Variants in EFCAB13 observed in about 807,000 individuals in gnomAD.
EFCAB13 encodes EF-hand calcium binding domain 13, also known as EF-hand calcium-binding domain-containing protein 13.
EFCAB13 carries 91 observed loss-of-function variants against 110.2 expected under a neutral mutation model. That is an observed-to-expected ratio of 0.83 (90% CI 0.70 to 0.98). The LOEUF (loss-of-function observed/expected upper bound fraction) is 0.98. Among genes scored for constraint, EFCAB13 ranks in the 50% least tolerant of loss-of-function variants. The pLI is 0.00. For synonymous variants in EFCAB13, 323 were observed against 369.9 expected (o/e 0.87, Z 1.45); for missense variants, 968 against 1,119.4 (o/e 0.86, Z 1.93).
chr17:47,335,370 T>C lies in EFCAB13; in HGVS notation c.191+14T>C. The C allele has an allele frequency of 6.4e-7, 1 of 1,572,470 alleles. No homozygotes were observed. Among genetic ancestry groups the C allele is most frequent in the Non-Finnish European group, 8.6e-7 (1 of 1,166,420 alleles). On this transcript the variant is annotated intron_variant, in intron 5 of 24. Transcript: ENST00000331493. ...ATATAAAAAAATGTAAGTTAAAAAC[T>C]CTGAACTTACTTTATTGAATTATAC...
At chr17:47,393,885 AC>A (rs1384898122) in intron 15 of EFCAB13, 139 bp from the exon 16 acceptor site, 2 of 401,148 alleles carry the variant, frequency 5.0e-6, no homozygotes, top group Non-Finnish European at 4.4e-6. Context: ...TCCCCTTTAT[AC>A]CCATATATTT....
intron 5 of EFCAB13, among the ~76,000 whole-genome samples, chr17:47,339,576 G>A (rs2065371741): frequency 6.6e-6 from 1 of 152,032 alleles, no homozygotes; most frequent in African/African-American, 2.4e-5. Flanking sequence ...CTACTGTGCA[G>A]ACGAGTTTTG....
intron 14 of EFCAB13, among the ~76,000 whole-genome samples, chr17:47,379,550 G>A (rs1191413732): frequency 7.3e-6 from 1 of 137,664 alleles, no homozygotes; most frequent in Non-Finnish European, 1.6e-5. Flanking sequence ...GGAATTGATG[G>A]GTGATATGGT....
At chr17:47,424,387 G>A (rs925237444) in intron 23 of EFCAB13, among the ~76,000 whole-genome samples, 6 of 152,226 alleles carry the variant, frequency 3.9e-5, no homozygotes, top group African/African-American at 1.4e-4. Flanking sequence ...AGTTCCCAGC[G>A]TGAGGAAAAT....
chr17:47,356,280 T>C (rs889083341), intron 9 of EFCAB13, among the ~76,000 whole-genome samples: 2 of 152,198 alleles, frequency 1.3e-5, no homozygotes, highest in Non-Finnish European at 2.9e-5. Flanking sequence ...TTTTGTCATA[T>C]TACCAGAATT....
At chr17:47,397,429 G>A (rs1415202638) in intron 17 of EFCAB13, among the ~76,000 whole-genome samples, 1 of 151,124 alleles carries the variant, frequency 6.6e-6, no homozygotes, top group Non-Finnish European at 1.5e-5. Flanking sequence ...CTGCCCGGCC[G>A]CCACCCCGTC....
At chr17:47,399,143 G>T (rs536252939) in intron 17 of EFCAB13, among the ~76,000 whole-genome samples, 1 of 152,298 alleles carries the variant, frequency 6.6e-6, no homozygotes, top group East Asian at 1.9e-4. Flanking sequence ...TCAAACTCCT[G>T]AGTTCAGGTG....
intron 23 of EFCAB13, among the ~76,000 whole-genome samples, chr17:47,417,200 T>C (rs1904478953): frequency 1.3e-5 from 2 of 152,250 alleles, no homozygotes; most frequent in South Asian, 4.1e-4. Context: ...ATCATCCTCA[T>C]CCTCACCATC....
intron 23 of EFCAB13, among the ~76,000 whole-genome samples, chr17:47,425,304 T>C (rs1904913546): frequency 6.6e-6 from 1 of 152,198 alleles, no homozygotes; most frequent in East Asian, 1.9e-4. Context: ...AATCGATGTT[T>C]CTCAGCTTTT....
At chr17:47,375,559 G>A (rs1050181244) in intron 12 of EFCAB13, among the ~76,000 whole-genome samples, 4 of 151,896 alleles carry the variant, frequency 2.6e-5, no homozygotes, top group African/African-American at 9.7e-5. Context: ...GCCTCCCAAG[G>A]ATCTGCGATT....
intron 21 of EFCAB13, among the ~76,000 whole-genome samples, chr17:47,410,049 C>CA (rs2065826357): frequency 6.6e-6 from 1 of 152,050 alleles, no homozygotes; most frequent in African/African-American, 2.4e-5. Context: ...CTTCCCTGAT[C>CA]CTCTTTGCCT....
At chr17:47,342,612 CCT>C (rs1484130202) in intron 6 of EFCAB13, among the ~76,000 whole-genome samples, 4 of 151,868 alleles carry the variant, frequency 2.6e-5, no homozygotes. Context: ...CCTTTTTTCC[CCT>C]CTGTCTTAGT....
chr17:47,360,735 C>T (rs1216819123), intron 9 of EFCAB13, among the ~76,000 whole-genome samples: 1 of 152,086 alleles, frequency 6.6e-6, no homozygotes, highest in Non-Finnish European at 1.5e-5. Flanking sequence ...CCTAGGTTTT[C>T]TTCTAGGGTT....
chr17:47,347,677 AAAC>A, intron 8 of EFCAB13, 128 bp from the exon 9 acceptor site: 1 of 633,530 alleles, frequency 1.6e-6, no homozygotes, highest in Non-Finnish European at 2.3e-6. Flanking sequence ...GGTAAAAAAG[AAAC>A]AAGTTTGAAA....
chr17:47,344,959 A>C lies in EFCAB13; in HGVS notation c.435-57A>C. 1.8e-5 allele frequency: 23 copies of C among 1,304,276 alleles called. No homozygotes were observed. In the South Asian group the frequency reaches 2.7e-4, roughly 16 times the overall value. The allele number at this position is 1,304,276 out of a possible 1,614,324, so 80.8% of individuals were successfully genotyped here. ...CTATTGGTAAGTTTGCTAATATTTT[A>C]AAATGGAATTTGCATATTTTCATTG... On this transcript the variant is annotated intron_variant, in intron 7 of 24. Transcript: ENST00000331493.
intron 14 of EFCAB13, among the ~76,000 whole-genome samples, chr17:47,381,013 G>A (rs2065644706): frequency 6.6e-6 from 1 of 151,272 alleles, no homozygotes; most frequent in Non-Finnish European, 1.5e-5. Flanking sequence ...CTCTTGAGTA[G>A]CTGGGACTAC....
intron 14 of EFCAB13, among the ~76,000 whole-genome samples, chr17:47,384,164 T>G (rs984956208): frequency 6.6e-6 from 1 of 151,110 alleles, no homozygotes. Context: ...TTTTGTTTTT[T>G]TTTTTTTGCT....
At chr17:47,420,973 C>T (rs1486519343) in intron 23 of EFCAB13, among the ~76,000 whole-genome samples, 50 of 147,568 alleles carry the variant, frequency 3.4e-4, no homozygotes, top group African/African-American at 1.2e-3. Flanking sequence ...CCAGCCGCCC[C>T]GTCCGGGAGG....
intron 9 of EFCAB13, among the ~76,000 whole-genome samples, chr17:47,355,759 G>C (rs1345783583): frequency 1.3e-5 from 2 of 151,926 alleles, no homozygotes; most frequent in African/African-American, 4.8e-5. Flanking sequence ...TTTTAGTAGA[G>C]ACGGGGTTTC....
Sources: gnomAD v4.1 joint callset for allele counts (sites outside exome capture counted in the v4.1 genomes callset) on GRCh38, gnomAD v4.1.1 for gene constraint, MANE v1.5 for transcripts, NCBI Gene and HGNC (gene_info 2026-07-23, HGNC 2026-07-21) for gene names.